The following MAP3K4 variants were observed in gnomAD, a reference collection of about 807,000 sequenced individuals.
MAP3K4 encodes mitogen-activated protein kinase kinase kinase 4, also known as MAP three kinase 1.
In MAP3K4, 67 loss-of-function variants were observed where a neutral mutation model predicts 185.6. That is an observed-to-expected ratio of 0.36 (90% CI 0.30 to 0.44). MAP3K4 has a LOEUF of 0.44. MAP3K4 is among the 20% of genes least tolerant of loss of function. The pLI is 1.00. For synonymous variants in MAP3K4, 702 were observed against 710.4 expected, an observed-to-expected ratio of 0.99 and a Z score of 0.19; for missense variants, 1,551 against 1,995.1, an observed-to-expected ratio of 0.78 and a Z score of 4.24.
chr6:161,080,624 AT>A lies in MAP3K4; in HGVS notation c.2098-252del, dbSNP rs1400088990. ...TTCCCCTTTATTGTAGATTGTGAACATTTTTGTTGTTAGGATTTTGAAGGGG... is the reference window on the plus strand; with the variant it reads ...TTCCCCTTTATTGTAGATTGTGAACATTTTGTTGTTAGGATTTTGAAGGGG... On this transcript the variant is annotated intron_variant, in intron 5 of 26. Transcript: ENST00000392142. The surrounding 1 kb of genome is among the most constrained non-coding windows in gnomAD (Gnocchi z 4.8). 13 of 415,134 alleles carry A rather than the reference AT, an allele frequency of 3.1e-5. 1 individual carries two copies. Among genetic ancestry groups the A allele is most frequent in the Non-Finnish European group, 5.7e-5 (13 of 228,750 alleles). 25.7% of individuals were successfully genotyped at this position (415,134 alleles called of 1,614,324 possible).
At chr6:160,992,178 T>C in intron 1 of MAP3K4, 95 bp downstream of exon 1, 1 of 1,392,726 alleles carries the variant, frequency 7.2e-7, no homozygotes, top group Non-Finnish European at 9.3e-7. Context: ...TCCCGCCAGG[T>C]GGGGAGGGAA....
Position 161,097,228 on chromosome 6 carries a change from A to G in MAP3K4, c.3524+52A>G, listed in dbSNP as rs1354492486. On this transcript the variant is annotated intron_variant, in intron 16 of 26. Transcript: ENST00000392142. The surrounding 1 kb of genome is among the most constrained non-coding windows in gnomAD (Gnocchi z 4.9). ...CTTTACAGAGTGCCCTCCGATATGC[A>G]TGCTCATACTTTTGAAACTACTAGA... 1 of 1,468,556 alleles carries G rather than the reference A, an allele frequency of 6.8e-7. No individual in the cohort carries two copies. The highest frequency in any genetic ancestry group is 1.7e-5 in the Admixed American group (1 of 59,488). The allele number at this position is 1,468,556 out of a possible 1,614,324, so 91.0% of individuals were successfully genotyped here. A position where few individuals can be genotyped will look rare whatever the true frequency, so the allele number is the denominator to read the frequency against.
chr6:161,093,913 T>C lies in MAP3K4; in HGVS notation c.3427+62T>C. 8.1e-7 allele frequency: 1 copy of C among 1,229,880 alleles called. No homozygotes were observed. Among genetic ancestry groups the C allele is most frequent in the East Asian group, 2.3e-5 (1 of 42,814 alleles). The allele number at this position is 1,229,880 out of a possible 1,614,324, so 76.2% of individuals were successfully genotyped here. ...AATGATTTGAGTGGACAGATCCTCT[T>C]GTAATTGCAGTCGTTTAAAATGGTA... is the stretch of plus-strand genomic sequence containing the variant. On this transcript the variant is annotated intron_variant, in intron 15 of 26. Coordinates refer to ENST00000392142, the MANE Select transcript of MAP3K4 (RefSeq NM_005922.4). This position sits in a 1 kb window ranked among gnomAD's most constrained non-coding sequence, Gnocchi z 5.2.
Position 161,082,495 on chromosome 6 carries a change from C to T in MAP3K4, c.2255+1457C>T, listed in dbSNP as rs187063542. On this transcript the variant is annotated intron_variant, in intron 6 of 26. Transcript: ENST00000392142. This position sits in a 1 kb window ranked among gnomAD's most constrained non-coding sequence, Gnocchi z 4.2. The stretch of plus-strand genomic sequence containing the variant: ...AGTCTCTGGCCTTTGCTTTCATGAT[C>T]CTCGCCCTGAGAAGCTCCAGGGCTT... Among the ~76,000 whole-genome samples the T allele has an allele frequency of 2.8e-4, 42 of 152,120 alleles. No homozygotes were observed. The highest frequency in any genetic ancestry group is 2.1e-3 in the Admixed American group (32 of 15,284).
At chr6:161,078,772 G>A (rs1785298584) in intron 5 of MAP3K4, among the ~76,000 whole-genome samples, 1 of 152,188 alleles carries the variant, frequency 6.6e-6, no homozygotes, top group Admixed American at 6.5e-5. Context: ...CGAGATGGAG[G>A]AAAGACTGTT....
intron 18 of MAP3K4, among the ~76,000 whole-genome samples, chr6:161,102,288 TA>T (rs908469667): frequency 2.8e-4 from 43 of 152,324 alleles, no homozygotes; most frequent in African/African-American, 1.0e-3. Flanking sequence ...TTTATTCATT[TA>T]AAAAATACAA....
chr6:161,038,092 T>A (rs1783266113), intron 2 of MAP3K4, among the ~76,000 whole-genome samples: 2 of 152,158 alleles, frequency 1.3e-5, no homozygotes, highest in African/African-American at 4.8e-5. Context: ...CCTTTTTTCC[T>A]TTCCTCCCTC....
Position 161,034,273 on chromosome 6 carries a change from T to G in MAP3K4, c.167T>G (p.Leu56Trp), listed in dbSNP as rs1036240076. 5.0e-6 allele frequency: 8 copies of G among 1,613,440 alleles called. No individual in the cohort carries two copies. In the African/African-American group the frequency reaches 1.1e-4, roughly 22 times the overall value. Residue 56 changes from leucine to tryptophan, a missense_variant, in exon 2 of 27, where the codon TTG becomes TGG. Transcript: ENST00000392142. This position sits in a 1 kb window ranked among gnomAD's most constrained non-coding sequence, Gnocchi z 4.4. Reference protein sequence around the residue: ...CCLAARQEGTLGDSACKSPES... With the variant: ...CCLAARQEGTWGDSACKSPES... Reference sequence around the variant, plus strand: ...GTCTTTCATAGGCAAGAGGGCACATTGGGAGATTCAGCTTGCAAGAGTCCT... The same window carrying G: ...GTCTTTCATAGGCAAGAGGGCACATGGGGAGATTCAGCTTGCAAGAGTCCT...
chr6:161,101,634 A>G lies in MAP3K4; in HGVS notation c.3675-258A>G. 3.2e-6 allele frequency: 1 copy of G among 313,264 alleles called. No individual in the cohort carries two copies. The highest frequency in any genetic ancestry group is 5.9e-6 in the Non-Finnish European group (1 of 169,358). 19.4% of individuals were successfully genotyped at this position (313,264 alleles called of 1,614,324 possible). ...CTTCCAGACTCTAGAGCTCTAACAG[A>G]CTCCAGAGGACGGTCTCCACAGCAG... On this transcript the variant is annotated intron_variant, in intron 17 of 26. Transcript: ENST00000392142. This position sits in a 1 kb window ranked among gnomAD's most constrained non-coding sequence, Gnocchi z 5.1.
chr6:161,085,857 C>T (rs541249675), intron 7 of MAP3K4, among the ~76,000 whole-genome samples: 1 of 152,280 alleles, frequency 6.6e-6, no homozygotes, highest in African/African-American at 2.4e-5. Flanking sequence ...GCTGCTTCTC[C>T]CGGCTTGAGA....
In MAP3K4 at chr6:161,093,780, A is replaced by G; in HGVS notation, c.3356A>G (p.Gln1119Arg). Reference sequence around the variant, plus strand: ...TTTTCTTTTGGTTTCTAGAGTTTACAAGCCTTGATGAATGAATGCATTGGC... The same window carrying G: ...TTTTCTTTTGGTTTCTAGAGTTTACGAGCCTTGATGAATGAATGCATTGGC... ...ALPEDDFLSL[Q>R]ALMNECIGHV... The change falls in exon 15 of 27, where the codon CAA (glutamine) becomes CGA (arginine). Residue 1119 changes from glutamine to arginine, a missense_variant. Gln to Arg is a conservative substitution (Grantham distance 43). Around this residue, in one of 16 missense-constraint regions of MAP3K4, gnomAD observed 272 missense variants for 301.2 expected, o/e 0.90. Coordinates refer to ENST00000392142, the MANE Select transcript of MAP3K4 (RefSeq NM_005922.4). The surrounding 1 kb of genome is among the most constrained non-coding windows in gnomAD (Gnocchi z 5.2). 1 of 1,611,178 alleles carries G rather than the reference A, an allele frequency of 6.2e-7. No homozygotes were observed. Among genetic ancestry groups the G allele is most frequent in the Non-Finnish European group, 8.5e-7 (1 of 1,178,154 alleles).
In MAP3K4 at chr6:161,107,049, C is replaced by T. The variant is rs113916471; in HGVS notation, c.4048+344C>T. 7.0e-5 allele frequency among the ~76,000 whole-genome samples: 6 copies of T among 86,320 alleles called. No homozygotes were observed. The highest frequency in any genetic ancestry group is 2.9e-4 in the African/African-American group (4 of 13,718). 56.6% of individuals were successfully genotyped at this position (86,320 alleles called of 152,430 possible). A position where few individuals can be genotyped will look rare whatever the true frequency, so the allele number is the denominator to read the frequency against. ...CTCTCTCTCTCTCTACACACGCGCG[C>T]GCACACACACACACACACACACACA... On this transcript the variant is annotated intron_variant, in intron 20 of 26. Coordinates refer to ENST00000392142, the MANE Select transcript of MAP3K4 (RefSeq NM_005922.4). This position sits in a 1 kb window ranked among gnomAD's most constrained non-coding sequence, Gnocchi z 6.2.
rs1778242170 is a variant in MAP3K4, at chr6:161,109,292, C to T, written c.4236+433C>T. Among the ~76,000 whole-genome samples, 1 of 152,104 alleles carries T rather than the reference C, an allele frequency of 6.6e-6. No homozygotes were observed. Among genetic ancestry groups the T allele is most frequent in the South Asian group, 2.1e-4 (1 of 4,814 alleles). On this transcript the variant is annotated intron_variant, in intron 22 of 26. Coordinates refer to ENST00000392142, the MANE Select transcript of MAP3K4 (RefSeq NM_005922.4). The surrounding 1 kb of genome is among the most constrained non-coding windows in gnomAD (Gnocchi z 5.7). ...TTTCCTCCTTGTGTTTAGAAATAAACACGTCGAGGGAAAGAGGATAACTTG... is the reference window on the plus strand; with the variant it reads ...TTTCCTCCTTGTGTTTAGAAATAAATACGTCGAGGGAAAGAGGATAACTTG...
intron 1 of MAP3K4, among the ~76,000 whole-genome samples, chr6:161,015,464 A>C (rs1238755152): frequency 6.6e-6 from 1 of 152,158 alleles, no homozygotes; most frequent in African/African-American, 2.4e-5. Flanking sequence ...ACTTAAAATG[A>C]AAGTTGAAGT....
Position 161,084,426 on chromosome 6 carries a change from G to A in MAP3K4, c.2256-75G>A. On this transcript the variant is annotated intron_variant, in intron 6 of 26. Transcript: ENST00000392142. The surrounding 1 kb of genome is among the most constrained non-coding windows in gnomAD (Gnocchi z 4.6). Reference sequence around the variant, plus strand: ...TTAGAGCAGTAGCTGAGCCTTTCAAGTTTCTCAGTCAAGAATTAGGCTATG... The same window carrying A: ...TTAGAGCAGTAGCTGAGCCTTTCAAATTTCTCAGTCAAGAATTAGGCTATG... 1 of 757,670 alleles carries A rather than the reference G, an allele frequency of 1.3e-6. No individual in the cohort carries two copies. Among genetic ancestry groups the A allele is most frequent in the South Asian group, 1.5e-5 (1 of 64,536 alleles). The allele number at this position is 757,670 out of a possible 1,614,324, so 46.9% of individuals were successfully genotyped here. A position where few individuals can be genotyped will look rare whatever the true frequency, so the allele number is the denominator to read the frequency against.
At chr6:161,102,802 TA>T (rs397886595) in intron 19 of MAP3K4, 23 bp downstream of exon 19, 115,282 of 600,818 alleles carry the variant, frequency 0.19, 2,455 homozygotes, top group African/African-American at 0.34. Context: ...GTGTTGAAGT[TA>T]AAAAAAAAAA....
At chr6:161,044,135 G>GA (rs1783613468) in intron 2 of MAP3K4, among the ~76,000 whole-genome samples, 1 of 152,044 alleles carries the variant, frequency 6.6e-6, no homozygotes. Context: ...TTGGCCAAAG[G>GA]AAAAAGTGTT....
intron 3 of MAP3K4, among the ~76,000 whole-genome samples, chr6:161,060,679 G>A (rs1275284403): frequency 6.7e-6 from 1 of 150,172 alleles, no homozygotes; most frequent in South Asian, 2.1e-4. Context: ...GAGTGCAGTG[G>A]CGTGATCTTG....
rs1208212740 is a variant in MAP3K4, at chr6:161,092,151, C to T, written c.3269+8C>T. 1 of 1,613,324 alleles carries T rather than the reference C, an allele frequency of 6.2e-7. No individual in the cohort carries two copies. The highest frequency in any genetic ancestry group is 1.7e-5 in the Admixed American group (1 of 59,986). ...TAGAGGTACAAGACCCAGGTAATGACCAAGTAGGATGTTTCTGAAATGTGT... is the reference window on the plus strand; with the variant it reads ...TAGAGGTACAAGACCCAGGTAATGATCAAGTAGGATGTTTCTGAAATGTGT... On this transcript the variant is annotated splice_region_variant and intron_variant, in intron 13 of 26. Transcript: ENST00000392142.
Sources: gnomAD v4.1 joint callset for allele counts (sites outside exome capture counted in the v4.1 genomes callset) on GRCh38, gnomAD v4.1.1 for gene constraint, gnomAD v4.1.1 regional missense constraint, Gnocchi (gnomAD v3.1) non-coding constraint, MANE v1.5 for transcripts, NCBI Gene and HGNC (gene_info 2026-07-23, HGNC 2026-07-21) for gene names.